Variants in DMD observed in about 807,000 individuals in gnomAD.
DMD encodes the protein mutant dystrophin.
Under a neutral mutation model 330.1 loss-of-function variants are expected in DMD, and 63 were observed. The ratio of observed to expected loss-of-function variants is 0.19; its 90% CI spans 0.16 to 0.24. The LOEUF (loss-of-function observed/expected upper bound fraction) is 0.24. DMD is among the 10% of genes least tolerant of loss of function. DMD has a pLI of 1.00. For synonymous variants in DMD, 1,223 were observed against 959.8 expected (o/e 1.27, Z -5.07); for missense variants, 3,344 against 2,684.1 (o/e 1.25, Z -5.43).
At chrX:32,882,631 C>T (rs1008638907) in intron 2 of DMD, among the ~76,000 whole-genome samples, 4 of 112,052 alleles carry the variant, frequency 3.6e-5, no homozygotes, top group African/African-American at 1.3e-4. Flanking sequence ...TCTGGACAGC[C>T]GTATCCATAT....
chrX:32,846,905 G>T (rs1298045775), intron 3 of DMD, among the ~76,000 whole-genome samples: 1 of 109,106 alleles, frequency 9.2e-6, no homozygotes, highest in Non-Finnish European at 1.9e-5. Flanking sequence ...TACTTGGGAG[G>T]CCGAGGCAGG....
intron 51 of DMD, among the ~76,000 whole-genome samples, chrX:31,762,393 AC>A (rs1204623316): frequency 1.8e-5 from 2 of 110,499 alleles, no homozygotes; most frequent in African/African-American, 3.3e-5. Flanking sequence ...ACATGGTGAA[AC>A]CCCGTCTCTA....
intron 13 of DMD, among the ~76,000 whole-genome samples, chrX:32,577,698 A>G (rs1219992682): frequency 1.8e-5 from 2 of 112,176 alleles, no homozygotes; most frequent in Non-Finnish European, 3.8e-5. Context: ...AAAGGTTTCC[A>G]ACACAAGACA....
chrX:31,558,272 T>A (rs2074973277), intron 55 of DMD, among the ~76,000 whole-genome samples: 1 of 111,741 alleles, frequency 8.9e-6, no homozygotes, highest in South Asian at 3.7e-4. Context: ...TCTCTATGCA[T>A]ATATACATGG....
At chrX:31,931,410 G>A (rs1477794722) in intron 46 of DMD, among the ~76,000 whole-genome samples, 1 of 110,580 alleles carries the variant, frequency 9.0e-6, no homozygotes, top group Non-Finnish European at 1.9e-5. Context: ...AGACATCACA[G>A]TAGGACGGTA....
At chrX:31,270,718 A>C (rs1182889490) in intron 62 of DMD, among the ~76,000 whole-genome samples, 1 of 111,927 alleles carries the variant, frequency 8.9e-6, no homozygotes, top group Admixed American at 9.4e-5. Context: ...GAAAGAATTA[A>C]AGCATGAGTG....
At chrX:32,294,655 C>A (rs1365132262) in intron 42 of DMD, among the ~76,000 whole-genome samples, 2 of 111,498 alleles carry the variant, frequency 1.8e-5, no homozygotes, top group East Asian at 5.6e-4. Context: ...GGATGTCACA[C>A]TCCCTGGATA....
At chrX:32,773,988 T>A (rs1569516732) in intron 7 of DMD, among the ~76,000 whole-genome samples, 1 of 111,344 alleles carries the variant, frequency 9.0e-6, no homozygotes, top group Non-Finnish European at 1.9e-5. Flanking sequence ...AATATATCAT[T>A]ACCAATGGAA....
chrX:31,315,923 T>G (rs972271748), intron 62 of DMD, among the ~76,000 whole-genome samples: 4 of 112,182 alleles, frequency 3.6e-5, no homozygotes, highest in African/African-American at 1.3e-4. Flanking sequence ...TATTGACCAC[T>G]AGAAAACCAG....
intron 7 of DMD, among the ~76,000 whole-genome samples, chrX:32,729,332 G>A (rs1314574477): frequency 8.9e-6 from 1 of 112,105 alleles, no homozygotes; most frequent in Non-Finnish European, 1.9e-5. Context: ...TTTGGGGCAA[G>A]TTTTATTATA....
At chrX:32,625,102 C>T (rs994158294) in intron 11 of DMD, among the ~76,000 whole-genome samples, 5 of 111,591 alleles carry the variant, frequency 4.5e-5, no homozygotes, top group Non-Finnish European at 7.5e-5. Context: ...ACCCGGGAGG[C>T]GGAGGTTGCA....
intron 45 of DMD, among the ~76,000 whole-genome samples, chrX:31,955,019 A>G (rs1343265712): frequency 3.7e-5 from 4 of 106,669 alleles, no homozygotes; most frequent in Non-Finnish European, 7.7e-5. Flanking sequence ...AAAAAAAAAA[A>G]AAAAGAAATA....
intron 44 of DMD, among the ~76,000 whole-genome samples, chrX:32,159,095 A>C (rs2096840005): frequency 1.8e-5 from 2 of 112,231 alleles, no homozygotes; most frequent in South Asian, 3.7e-4. Context: ...TTGTGCCCCC[A>C]CAGTGAAAGA....
At chrX:32,143,841 T>C (rs1333223561) in intron 44 of DMD, among the ~76,000 whole-genome samples, 1 of 110,192 alleles carries the variant, frequency 9.1e-6, no homozygotes, top group African/African-American at 3.3e-5. Flanking sequence ...TGAGCCACCG[T>C]GCCCGGCCAC....
intron 16 of DMD, among the ~76,000 whole-genome samples, chrX:32,547,515 GAAAT>G (rs2049095507): frequency 9.0e-6 from 1 of 110,828 alleles, no homozygotes; most frequent in Non-Finnish European, 1.9e-5. Flanking sequence ...TCGGGATGGA[GAAAT>G]AAGAAAACTG....
At chrX:32,209,312 G>A (rs1236713039) in intron 44 of DMD, among the ~76,000 whole-genome samples, 2 of 110,877 alleles carry the variant, frequency 1.8e-5, no homozygotes, top group Non-Finnish European at 3.8e-5. Context: ...TAAAATTAGA[G>A]CACAAATATA....
At chrX:31,553,481 GCA>G (rs1474884479) in intron 55 of DMD, among the ~76,000 whole-genome samples, 1 of 111,726 alleles carries the variant, frequency 9.0e-6, no homozygotes, top group Non-Finnish European at 1.9e-5. Context: ...AATTACTTTT[GCA>G]CCAACCTAAC....
chrX:32,347,651 G>T (rs1279885084), intron 38 of DMD, among the ~76,000 whole-genome samples: 1 of 111,798 alleles, frequency 8.9e-6, no homozygotes, highest in African/African-American at 3.2e-5. Context: ...GTCTGAGAAG[G>T]CTCTAGCACT....
chrX:31,442,663 A>G (rs1312293973), intron 60 of DMD, among the ~76,000 whole-genome samples: 2 of 111,728 alleles, frequency 1.8e-5, no homozygotes, highest in Non-Finnish European at 3.8e-5. Flanking sequence ...TCTGCTCTCT[A>G]AAAGAAATTA....
Sources: gnomAD v4.1 joint callset for allele counts (sites outside exome capture counted in the v4.1 genomes callset) on GRCh38, gnomAD v4.1.1 for gene constraint, MANE v1.5 for transcripts, NCBI Gene and HGNC (gene_info 2026-07-23, HGNC 2026-07-21) for gene names.